The following DPYD variants were observed in gnomAD, a reference collection of about 807,000 sequenced individuals.
The protein encoded by DPYD is dihydropyrimidine dehydrogenase.
DPYD carries 109 observed loss-of-function variants against 116.2 expected under a neutral mutation model. That is an observed-to-expected ratio of 0.94 (90% CI 0.80 to 1.10). The LOEUF (loss-of-function observed/expected upper bound fraction) is 1.10. DPYD is among the 50% of genes least tolerant of loss of function. The pLI is 0.00. For missense variants in DPYD, 1,302 were observed against 1,254.5 expected, an observed-to-expected ratio of 1.04 and a Z score of -0.57; for synonymous variants, 440 against 432.0, an observed-to-expected ratio of 1.02 and a Z score of -0.23.
intron 13 of DPYD, among the ~76,000 whole-genome samples, chr1:97,509,526 G>A (rs548783832): frequency 6.6e-6 from 1 of 152,040 alleles, no homozygotes; most frequent in South Asian, 2.1e-4. Flanking sequence ...AAAGAACACT[G>A]AACGTGTTCA....
intron 8 of DPYD, among the ~76,000 whole-genome samples, chr1:97,606,611 T>A (rs1655617003): frequency 6.6e-6 from 1 of 151,750 alleles, no homozygotes; most frequent in Non-Finnish European, 1.5e-5. Context: ...AAATGCGAAA[T>A]TTGACAAATA....
At chr1:97,560,861 A>T (rs1226887813) in intron 11 of DPYD, among the ~76,000 whole-genome samples, 1 of 152,162 alleles carries the variant, frequency 6.6e-6, no homozygotes, top group Non-Finnish European at 1.5e-5. Flanking sequence ...GAGCTAAAAC[A>T]TAAAGGATAA....
intron 1 of DPYD, among the ~76,000 whole-genome samples, chr1:97,918,809 T>A (rs1271086390): frequency 6.6e-6 from 1 of 152,202 alleles, no homozygotes; most frequent in Non-Finnish European, 1.5e-5. Context: ...TATCAATGTG[T>A]TCTTATCACA....
chr1:97,279,061 T>C (rs1665135024), intron 18 of DPYD, among the ~76,000 whole-genome samples: 1 of 152,112 alleles, frequency 6.6e-6, no homozygotes, highest in African/African-American at 2.4e-5. Flanking sequence ...ATTTGTTCCA[T>C]GAGTATATTG....
At position 97,230,781 on chromosome 1, in the gene DPYD, T is replaced by C. The variant is rs76747955; in HGVS notation, c.2442+4071A>G. Among the ~76,000 whole-genome samples, 1,513 of 152,144 alleles carry C rather than the reference T, an allele frequency of 9.9e-3. 23 individuals carry two copies. Among genetic ancestry groups the C allele is most frequent in the African/African-American group, 0.035 (1,456 of 41,494 alleles). On this transcript the variant is annotated intron_variant, in intron 19 of 22. Coordinates refer to ENST00000370192, the MANE Select transcript of DPYD (RefSeq NM_000110.4). ...GTTCAGAGGAGGCAAGAGTAAGCCA[T>C]GGAGAGAACAAGAGTGGACAGAAAT...
intron 3 of DPYD, among the ~76,000 whole-genome samples, chr1:97,786,598 C>T (rs1667047894): frequency 1.3e-5 from 2 of 152,294 alleles, no homozygotes; most frequent in South Asian, 4.1e-4. Flanking sequence ...CCTGAGGAGA[C>T]ATTTGTATAA....
intron 8 of DPYD, among the ~76,000 whole-genome samples, chr1:97,669,093 T>C (rs1659721340): frequency 6.7e-6 from 1 of 148,304 alleles, no homozygotes; most frequent in South Asian, 2.1e-4. Flanking sequence ...TTGTGTATGG[T>C]GGGGGTGGGT....
At chr1:97,617,943 C>A (rs543807258) in intron 8 of DPYD, among the ~76,000 whole-genome samples, 3 of 152,204 alleles carry the variant, frequency 2.0e-5, no homozygotes, top group Non-Finnish European at 4.4e-5. Context: ...TCTTTTAAAA[C>A]TCTCTCAGTT....
intron 20 of DPYD, among the ~76,000 whole-genome samples, chr1:97,172,775 T>G (rs1656825094): frequency 6.6e-6 from 1 of 152,168 alleles, no homozygotes; most frequent in Non-Finnish European, 1.5e-5. Flanking sequence ...TCCAACAGAT[T>G]TGTAACTCTT....
At chr1:97,804,362 C>T (rs1277592189) in intron 3 of DPYD, among the ~76,000 whole-genome samples, 1 of 151,634 alleles carries the variant, frequency 6.6e-6, no homozygotes, top group African/African-American at 2.4e-5. Flanking sequence ...AGTAGTGAAA[C>T]AATTGAAAGG....
intron 20 of DPYD, among the ~76,000 whole-genome samples, chr1:97,158,000 T>C (rs1407050007): frequency 1.3e-5 from 2 of 152,154 alleles, no homozygotes; most frequent in Non-Finnish European, 2.9e-5. Context: ...GGTAACCATA[T>C]ATATTCTTGT....
intron 19 of DPYD, among the ~76,000 whole-genome samples, chr1:97,200,088 G>T (rs916937828): frequency 1.3e-5 from 2 of 152,134 alleles, no homozygotes; most frequent in African/African-American, 2.4e-5. Flanking sequence ...CCCTGAGACT[G>T]GCACATGCTT....
chr1:97,183,030 C>T lies in DPYD; in HGVS notation c.2622+10039G>A, dbSNP rs1192808395. On this transcript the variant is annotated intron_variant, in intron 20 of 22. Coordinates refer to ENST00000370192, the MANE Select transcript of DPYD (RefSeq NM_000110.4). ...TATCTTTTGATGAGTATGTTAATTG[C>T]GATGAAGCATAATTCATCTATTTTT... Among the ~76,000 whole-genome samples the T allele has an allele frequency of 9.2e-5, 14 of 152,022 alleles. No individual in the cohort carries two copies. The East Asian group carries it at 2.3e-3, about 25-fold the overall frequency.
chr1:97,289,983 AGC>A (rs1450927197), intron 18 of DPYD, among the ~76,000 whole-genome samples: 1 of 152,186 alleles, frequency 6.6e-6, no homozygotes, highest in Non-Finnish European at 1.5e-5. Flanking sequence ...AAGCAACTTC[AGC>A]AAAGTCTCAG....
intron 18 of DPYD, among the ~76,000 whole-genome samples, chr1:97,236,303 AC>A (rs1661921565): frequency 6.6e-6 from 1 of 152,128 alleles, no homozygotes; most frequent in Admixed American, 6.6e-5. Context: ...ACCACTAGTC[AC>A]CAGCAATATC....
intron 3 of DPYD, among the ~76,000 whole-genome samples, chr1:97,814,175 G>A (rs567197478): frequency 6.6e-6 from 1 of 152,140 alleles, no homozygotes; most frequent in Non-Finnish European, 1.5e-5. Context: ...ATGTAAGAAG[G>A]AGCCCAGGTA....
At chr1:97,708,405 T>C (rs536344950) in intron 5 of DPYD, among the ~76,000 whole-genome samples, 1 of 152,216 alleles carries the variant, frequency 6.6e-6, no homozygotes, top group East Asian at 1.9e-4. Flanking sequence ...TTGAAAGGAC[T>C]ATCCCTTCTC....
At chr1:97,229,024 T>A (rs1311197558) in intron 19 of DPYD, among the ~76,000 whole-genome samples, 1 of 151,564 alleles carries the variant, frequency 6.6e-6, no homozygotes, top group African/African-American at 2.4e-5. Flanking sequence ...AGTGAAACCC[T>A]GTCTCTACTA....
At chr1:97,544,884 A>G (rs1244043958) in intron 12 of DPYD, among the ~76,000 whole-genome samples, 1 of 152,080 alleles carries the variant, frequency 6.6e-6, no homozygotes, top group Non-Finnish European at 1.5e-5. Context: ...CTGCCCACAT[A>G]CCATTTTCAC....
Sources: gnomAD v4.1 joint callset for allele counts (sites outside exome capture counted in the v4.1 genomes callset) on GRCh38, gnomAD v4.1.1 for gene constraint, MANE v1.5 for transcripts, NCBI Gene and HGNC (gene_info 2026-07-23, HGNC 2026-07-21) for gene names.